CILP: variants seen among roughly 807,000 people sequenced by gnomAD.
CILP encodes the protein cartilage intermediate layer protein, also known as cartilage intermediate layer protein 1.
CILP carries 75 observed loss-of-function variants against 82.5 expected under a neutral mutation model. That is an observed-to-expected ratio of 0.91 (90% CI 0.75 to 1.10). CILP has a LOEUF of 1.10. CILP is among the 50% of genes least tolerant of loss of function. CILP has a pLI of 0.00. For synonymous variants in CILP, 530 were observed against 580.3 expected (o/e 0.91, Z 1.25); for missense variants, 1,479 against 1,530.8 (o/e 0.97, Z 0.56).
At chr15:65,208,822 T>G (rs1034993859) in intron 2 of CILP, among the ~76,000 whole-genome samples, 1 of 152,132 alleles carries the variant, frequency 6.6e-6, no homozygotes, top group Non-Finnish European at 1.5e-5. Flanking sequence ...GCTCTTTTAA[T>G]CAACCTAATC....
chr15:65,202,834 C>CTTTTTTTTTTTT (rs10634666), intron 7 of CILP, among the ~76,000 whole-genome samples: 1 of 117,548 alleles, frequency 8.5e-6, no homozygotes, highest in Non-Finnish European at 1.7e-5. Flanking sequence ...GGGACCACAG[C>CTTTTTTTTTTTT]TTTTTTTTTT....
rs767860892 is a variant in CILP at position 65,198,003 on chromosome 15, A to G, written c.2283T>C (p.Ser761=). Residue 761 remains serine, a synonymous_variant, in exon 9 of 9, where the codon AGT becomes AGC. Transcript: ENST00000261883. ...RCFVKVRAYR[S]ERFLPSEQIQ... ...TCTGCTCACTAGGCAAGAACCTCTC[A>G]CTCCGGTAGGCCCTCACCTTAACAA... 6.2e-7 allele frequency: 1 copy of G among 1,613,998 alleles called. No individual in the cohort carries two copies. The highest frequency in any genetic ancestry group is 8.5e-7 in the Non-Finnish European group (1 of 1,179,932).
Position 65,197,858 on chromosome 15 carries a change from C to T in CILP, c.2428G>A (p.Ala810Thr), listed in dbSNP as rs1337595657. 3 of 1,613,854 alleles carry T rather than the reference C, an allele frequency of 1.9e-6. No homozygotes were observed. Among genetic ancestry groups the T allele is most frequent in the East Asian group, 2.2e-5 (1 of 44,888 alleles). ...TCAGGGGACTGGTCATCACAGAAGG[C>T]AGGCACACAGGCCCCGTTGGGGCCT... ...ITGPNGACVP[A>T]FCDDQSPDAY... is the part of the protein sequence containing the mutation. The change falls in exon 9 of 9, where the codon GCC becomes ACC. Residue 810 changes from alanine (A) to threonine (T), a missense_variant. Coordinates refer to ENST00000261883, the MANE Select transcript of CILP (RefSeq NM_003613.4).
rs898869921 is a variant in CILP, at chr15:65,197,055, G to A, written c.3231C>T (p.Tyr1077=). The A allele has an allele frequency of 6.2e-7, 1 of 1,614,076 alleles. No individual in the cohort carries two copies. The highest frequency in any genetic ancestry group is 1.3e-5 in the African/African-American group (1 of 74,934). Residue 1077 remains tyrosine (Y), a synonymous_variant, in exon 9 of 9, where the codon TAC becomes TAT. Coordinates refer to ENST00000261883, the MANE Select transcript of CILP (RefSeq NM_003613.4). The part of the protein sequence containing the change: ...LDPLGHNYGI[Y]TVTDQDPRTA... ...TGCGAGGGTCCTGGTCAGTGACAGT[G>A]TAGATGCCATAGTTGTGGCCCAGTG... is the stretch of plus-strand genomic sequence containing the variant.
rs527396607 is a variant in CILP at position 65,198,836 on chromosome 15, G to A, written c.1450C>T (p.Arg484Trp). 6.4e-5 allele frequency: 103 copies of A among 1,614,062 alleles called. No homozygotes were observed. Among genetic ancestry groups the A allele is most frequent in the East Asian group, 1.6e-4 (7 of 44,876 alleles). ...TKVAKECSCQ[R>W]CTETRSIVRG... The stretch of plus-strand genomic sequence containing the variant: ...ACGATGCTCCGAGTTTCCGTACACC[G>A]CTGGCAGCTGCACTCCTTGGCCACC... The change falls in exon 9 of 9, where the codon CGG becomes TGG. Residue 484 changes from arginine to tryptophan, a missense_variant. Physicochemically the swap from Arg to Trp is moderately radical, Grantham distance 101 (BLOSUM62 -3). Transcript: ENST00000261883.
In CILP at chr15:65,204,474, G is replaced by C. The variant is rs977175070; in HGVS notation, c.713C>G (p.Ala238Gly). Reference sequence around the variant, plus strand: ...CAGGAGGTAGATAGCAGCCCCTGAGGCTGGGGCACCTCCGGGAAGGGAGAC... The same window carrying C: ...CAGGAGGTAGATAGCAGCCCCTGAGCCTGGGGCACCTCCGGGAAGGGAGAC... ...GAVSLPGGAP[A>G]SGAAIYLLTK... Residue 238 changes from alanine to glycine, a missense_variant, in exon 6 of 9, where the codon GCC (alanine) becomes GGC (glycine). Ala to Gly is a moderately conservative substitution (Grantham distance 60, BLOSUM62 0). Transcript: ENST00000261883. 1.2e-6 allele frequency: 2 copies of C among 1,613,906 alleles called. No individual in the cohort carries two copies. The highest frequency in any genetic ancestry group is 2.7e-5 in the African/African-American group (2 of 74,932).
intron 7 of CILP, among the ~76,000 whole-genome samples, chr15:65,203,017 T>C (rs534200419): frequency 2.0e-5 from 3 of 152,036 alleles, no homozygotes; most frequent in Non-Finnish European, 1.5e-5. Context: ...TTGCATTTTT[T>C]ATAGAGACAG....
Position 65,201,996 on chromosome 15 carries a change from G to A in CILP, c.1062C>T (p.Leu354=). The change falls in exon 8 of 9, where the codon CTC becomes CTT. Residue 354 remains leucine, a synonymous_variant. Transcript: ENST00000261883. ...GCACCAGCTTGCTCTCATGCTTGTA[G>A]AGGGAAGGATCCAGCAATGTGTCAT... is the stretch of plus-strand genomic sequence containing the variant. ...YHNDTLLDPS[L]YKHESKLVLR... 2.5e-6 allele frequency: 4 copies of A among 1,601,248 alleles called. No individual in the cohort carries two copies. The highest frequency in any genetic ancestry group is 3.4e-6 in the Non-Finnish European group (4 of 1,174,620).
At position 65,205,447 on chromosome 15, in the gene CILP, T is replaced by C. The variant is rs1463032405; in HGVS notation, c.444A>G (p.Thr148=). The change falls in exon 5 of 9, where the codon ACA becomes ACG. Residue 148 remains threonine (T), a synonymous_variant. Transcript: ENST00000261883. Reference sequence around the variant, plus strand: ...GAGACCATGGGCTCCAGATGCGCTCTGTGTCTCGGCGCAGGGATCCTGCAA... The same window carrying C: ...GAGACCATGGGCTCCAGATGCGCTCCGTGTCTCGGCGCAGGGATCCTGCAA... ...LCPPGSLRRD[T]ERIWSPWSPW... 6.2e-7 allele frequency: 1 copy of C among 1,610,436 alleles called. No individual in the cohort carries two copies. Among genetic ancestry groups the C allele is most frequent in the Non-Finnish European group, 8.5e-7 (1 of 1,177,176 alleles).
chr15:65,203,330 G>C, intron 7 of CILP, 32 bp downstream of exon 7: 1 of 1,469,138 alleles, frequency 6.8e-7, no homozygotes, highest in Non-Finnish European at 9.5e-7. Flanking sequence ...TCCAGGAGGA[G>C]AATTGGGCAG....
rs1360500691 is a variant in CILP, at chr15:65,196,040, C to T, written c.*691G>A. On this transcript the variant is annotated 3_prime_UTR_variant, in exon 9 of 9. Transcript: ENST00000261883. ...AGAGTATGCATTTATTGACATCTGC[C>T]CTGGGCTACACTGGGTTTCTAGCAA... The T allele has an allele frequency of 2.0e-5, 3 of 152,192 alleles. No individual in the cohort carries two copies. The highest frequency in any genetic ancestry group is 4.8e-5 in the African/African-American group (2 of 41,438). The allele number at this position is 152,192 out of a possible 1,614,324, so 9.4% of individuals were successfully genotyped here. A position where few individuals can be genotyped will look rare whatever the true frequency, so the allele number is the denominator to read the frequency against.
chr15:65,197,032 C>T lies in CILP; in HGVS notation c.3254G>A (p.Arg1085His), dbSNP rs554082158. The change falls in exon 9 of 9, where the codon CGC (arginine) becomes CAC (histidine). Residue 1085 changes from arginine to histidine, a missense_variant. By Grantham distance (29) the Arg-to-His change is conservative (BLOSUM62 0). Coordinates refer to ENST00000261883, the MANE Select transcript of CILP (RefSeq NM_003613.4). ...GIYTVTDQDP[R>H]TAKEIALGRC... Reference sequence around the variant, plus strand: ...GCCGAGCGCGATCTCCTTGGCCGTGCGAGGGTCCTGGTCAGTGACAGTGTA... The same window carrying T: ...GCCGAGCGCGATCTCCTTGGCCGTGTGAGGGTCCTGGTCAGTGACAGTGTA... The T allele has an allele frequency of 3.2e-5, 51 of 1,614,156 alleles. 1 individual carries two copies. In the South Asian group the frequency reaches 3.7e-4, roughly 12 times the overall value.
intron 8 of CILP, among the ~76,000 whole-genome samples, 186 bp from the exon 9 acceptor site, chr15:65,199,285 A>G (rs2088422199): frequency 6.6e-6 from 1 of 152,208 alleles, no homozygotes; most frequent in Non-Finnish European, 1.5e-5. Flanking sequence ...ATACCGGGAA[A>G]CAGAGTTGGT....
chr15:65,198,327 G>T lies in CILP; in HGVS notation c.1959C>A (p.Pro653=). The change falls in exon 9 of 9, where the codon CCC becomes CCA. Residue 653 remains proline, a synonymous_variant. Coordinates refer to ENST00000261883, the MANE Select transcript of CILP (RefSeq NM_003613.4). ...NFINDEGDTF[P]LRTYGMFSVD... ...CAGAGAACATGCCATACGTCCGAAGGGGGAAAGTGTCTCCTTCGTCATTGA... is the reference window on the plus strand; with the variant it reads ...CAGAGAACATGCCATACGTCCGAAGTGGGAAAGTGTCTCCTTCGTCATTGA... The T allele has an allele frequency of 6.2e-7, 1 of 1,614,224 alleles. No individual in the cohort carries two copies. The highest frequency in any genetic ancestry group is 8.5e-7 in the Non-Finnish European group (1 of 1,180,042).
chr15:65,211,218 A>G (rs1303593065), intron 1 of CILP, among the ~76,000 whole-genome samples: 3 of 152,026 alleles, frequency 2.0e-5, no homozygotes, highest in African/African-American at 4.8e-5. Context: ...TCCTGTCCTC[A>G]GGTGGGGGAG....
At chr15:65,202,961 G>A (rs574700255) in intron 7 of CILP, among the ~76,000 whole-genome samples, 2 of 150,842 alleles carry the variant, frequency 1.3e-5, no homozygotes, top group African/African-American at 2.4e-5. Flanking sequence ...TCATCCTGCC[G>A]AGTAGCTGGT....
Position 65,209,752 on chromosome 15 carries a change from C to T in CILP, c.4G>A (p.Val2Met). Residue 2 changes from valine (V) to methionine (M), a missense_variant, in exon 2 of 9, where the codon GTG becomes ATG. Physicochemically the swap from Val to Met is conservative, Grantham distance 21. Coordinates refer to ENST00000261883, the MANE Select transcript of CILP (RefSeq NM_003613.4). M[V>M]GTKAWVFSFL... ...GAGAACACCCAGGCCTTGGTCCCCACCATCTTTCCCCCAAGCCCGTGGGAA... is the reference window on the plus strand; with the variant it reads ...GAGAACACCCAGGCCTTGGTCCCCATCATCTTTCCCCCAAGCCCGTGGGAA... 1 of 1,614,012 alleles carries T rather than the reference C, an allele frequency of 6.2e-7. No individual in the cohort carries two copies. The highest frequency in any genetic ancestry group is 8.5e-7 in the Non-Finnish European group (1 of 1,179,964).
chr15:65,198,347 C>G lies in CILP; in HGVS notation c.1939G>C (p.Asp647His). 1 of 1,614,212 alleles carries G rather than the reference C, an allele frequency of 6.2e-7. No homozygotes were observed. Among genetic ancestry groups the G allele is most frequent in the Non-Finnish European group, 8.5e-7 (1 of 1,180,052 alleles). ...CGAAGGGGGAAAGTGTCTCCTTCGT[C>G]ATTGATGAAGTTCAGGTCAGTCTGG... is the stretch of plus-strand genomic sequence containing the variant. ...AAQTDLNFIN[D>H]EGDTFPLRTY... The change falls in exon 9 of 9, where the codon GAC (aspartate) becomes CAC (histidine). Residue 647 changes from aspartate (D) to histidine (H), a missense_variant. Transcript: ENST00000261883.
Position 65,198,635 on chromosome 15 carries a change from T to C in CILP, c.1651A>G (p.Thr551Ala). Residue 551 changes from threonine to alanine, a missense_variant, in exon 9 of 9, where the codon ACC becomes GCC. By Grantham distance (58) the Thr-to-Ala change is moderately conservative. Coordinates refer to ENST00000261883, the MANE Select transcript of CILP (RefSeq NM_003613.4). ...TTGTTGAAAGGTAGCACTTTGGTGG[T>C]GTTGACAAACTTCTGCAGCCTGTCC... ...FVDRLQKFVNTTKVLPFNKKG... is the reference protein window; with the variant it reads ...FVDRLQKFVNATKVLPFNKKG... The C allele has an allele frequency of 1.2e-6, 2 of 1,614,228 alleles. No individual in the cohort carries two copies. The highest frequency in any genetic ancestry group is 1.7e-6 in the Non-Finnish European group (2 of 1,180,032).
Sources: allele counts gnomAD v4.1 joint callset (sites outside exome capture counted in the v4.1 genomes callset), GRCh38; gene constraint gnomAD v4.1.1; transcripts MANE v1.5; gene names NCBI Gene and HGNC (gene_info 2026-07-23, HGNC 2026-07-21).